CPA6: variants seen among roughly 807,000 people sequenced by gnomAD.
The protein encoded by CPA6 is carboxypeptidase A6.
CPA6 carries 58 observed loss-of-function variants against 63.3 expected under a neutral mutation model. The ratio of observed to expected loss-of-function variants is 0.92; its 90% confidence interval spans 0.74 to 1.14. The LOEUF (loss-of-function observed/expected upper bound fraction) is 1.14, where lower values mean the gene tolerates loss of function less well. Ranked by LOEUF, CPA6 falls within the 50% of genes most tolerant of loss-of-function variation. CPA6 has a pLI of 0.00. For synonymous variants in CPA6, 185 were observed against 179.0 expected (o/e 1.03, Z -0.27); for missense variants, 565 against 526.6 (o/e 1.07, Z -0.71).
intron 8 of CPA6, among the ~76,000 whole-genome samples, chr8:67,446,526 T>C (rs28379926): frequency 0.17 from 25,301 of 152,110 alleles, 2,164 homozygotes; most frequent in East Asian, 0.24. Context: ...TTTTTAAAAA[T>C]TTAAAAGATT....
intron 2 of CPA6, among the ~76,000 whole-genome samples, chr8:67,545,641 C>T (rs1812802313): frequency 1.4e-5 from 2 of 139,410 alleles, no homozygotes; most frequent in African/African-American, 2.6e-5. Context: ...GATCTCGGCT[C>T]ACTGCACTCC....
At chr8:67,477,472 G>A (rs1811268091) in intron 8 of CPA6, among the ~76,000 whole-genome samples, 1 of 152,062 alleles carries the variant, frequency 6.6e-6, no homozygotes, top group East Asian at 1.9e-4. Context: ...TTTTCACTTT[G>A]TATTTCTCCA....
intron 10 of CPA6, among the ~76,000 whole-genome samples, chr8:67,424,386 A>G (rs1587409333): frequency 6.6e-6 from 1 of 152,028 alleles, no homozygotes. Flanking sequence ...GCTGCTGTAG[A>G]TGATTGCCCC....
intron 1 of CPA6, among the ~76,000 whole-genome samples, chr8:67,708,949 G>A (rs1192087855): frequency 6.6e-6 from 1 of 152,118 alleles, no homozygotes; most frequent in African/African-American, 2.4e-5. Flanking sequence ...GTTGTGGCTG[G>A]TTCCAGGGAA....
chr8:67,726,125 G>A lies in CPA6; in HGVS notation c.116+19889C>T, dbSNP rs1463510429. 4.6e-5 allele frequency among the ~76,000 whole-genome samples: 7 copies of A among 152,268 alleles called. No homozygotes were observed. In the East Asian group the frequency reaches 1.4e-3, roughly 29 times the overall value. On this transcript the variant is annotated intron_variant, in intron 1 of 10. Transcript: ENST00000297770. ...AGACAGAGGCCAAGAAAAATGATTT[G>A]TAAGTGATTGAAAAATAATTTTTAT...
intron 1 of CPA6, among the ~76,000 whole-genome samples, chr8:67,712,516 G>A (rs575363752): frequency 1.1e-4 from 16 of 152,210 alleles, no homozygotes; most frequent in Admixed American, 2.0e-4. Context: ...ATCCACCAAA[G>A]AGCAATCCCT....
chr8:67,506,911 T>G, intron 5 of CPA6, 23 bp from the exon 6 acceptor site: 1 of 1,530,706 alleles, frequency 6.5e-7, no homozygotes, highest in Non-Finnish European at 9.1e-7. Context: ...GCATTCACAG[T>G]AACCAACTCA....
chr8:67,738,955 T>C (rs1016074272), intron 1 of CPA6, among the ~76,000 whole-genome samples: 21 of 152,254 alleles, frequency 1.4e-4, no homozygotes, highest in Non-Finnish European at 8.8e-5. Context: ...AAAATAATAC[T>C]TTTGTAGCTT....
At chr8:67,459,037 C>T (rs890211390) in intron 8 of CPA6, among the ~76,000 whole-genome samples, 6 of 152,208 alleles carry the variant, frequency 3.9e-5, no homozygotes, top group Admixed American at 3.3e-4. Context: ...AATTATGCTC[C>T]TTGCAATTTA....
chr8:67,507,885 A>G (rs907987910), intron 5 of CPA6, among the ~76,000 whole-genome samples: 8 of 152,110 alleles, frequency 5.3e-5, no homozygotes, highest in African/African-American at 1.4e-4. Context: ...AGCGCACCAT[A>G]TTGGAGGAAC....
chr8:67,434,262 G>T, intron 8 of CPA6, 22 bp from the exon 9 acceptor site: 1 of 1,600,066 alleles, frequency 6.2e-7, no homozygotes, highest in South Asian at 1.1e-5. Flanking sequence ...AAAAGAAAAT[G>T]GGGTAAGGAA....
chr8:67,537,122 T>C (rs1054706795), intron 2 of CPA6, among the ~76,000 whole-genome samples: 1 of 152,232 alleles, frequency 6.6e-6, no homozygotes, highest in Non-Finnish European at 1.5e-5. Context: ...GATTTTCACA[T>C]CGATGTTCAT....
At chr8:67,668,460 C>T (rs547590396) in intron 1 of CPA6, among the ~76,000 whole-genome samples, 1 of 152,296 alleles carries the variant, frequency 6.6e-6, no homozygotes, top group South Asian at 2.1e-4. Context: ...AGCAACTTTT[C>T]CAAGTTATGA....
intron 2 of CPA6, among the ~76,000 whole-genome samples, chr8:67,554,241 T>A (rs1329449017): frequency 6.6e-6 from 1 of 152,164 alleles, no homozygotes; most frequent in Non-Finnish European, 1.5e-5. Flanking sequence ...ACAGGAAGCA[T>A]GGACCAGCAT....
At chr8:67,478,156 C>T (rs1811283150) in intron 8 of CPA6, among the ~76,000 whole-genome samples, 1 of 152,104 alleles carries the variant, frequency 6.6e-6, no homozygotes, top group Non-Finnish European at 1.5e-5. Context: ...ATCAAGCATG[C>T]CCACATGATC....
chr8:67,500,360 T>C (rs1264216908), intron 6 of CPA6, among the ~76,000 whole-genome samples: 1 of 152,184 alleles, frequency 6.6e-6, no homozygotes, highest in Non-Finnish European at 1.5e-5. Flanking sequence ...TCTCTTCATG[T>C]CTTTTGCCCA....
intron 3 of CPA6, among the ~76,000 whole-genome samples, chr8:67,512,579 A>G (rs2128965868): frequency 6.6e-6 from 1 of 152,346 alleles, no homozygotes; most frequent in South Asian, 2.1e-4. Context: ...TGTGAGTTAG[A>G]TAAATACAGG....
intron 10 of CPA6, among the ~76,000 whole-genome samples, chr8:67,424,208 C>T (rs7845285): frequency 0.092 from 13,973 of 152,156 alleles, 2,164 homozygotes; most frequent in African/African-American, 0.32. Context: ...TGGTGAATTA[C>T]ATAATTATTT....
chr8:67,693,807 A>T (rs1816860266), intron 1 of CPA6, among the ~76,000 whole-genome samples: 1 of 152,210 alleles, frequency 6.6e-6, no homozygotes, highest in Non-Finnish European at 1.5e-5. Flanking sequence ...AGCAGCCTGA[A>T]CGGACTCAGA....
Sources: gnomAD v4.1 joint callset for allele counts (sites outside exome capture counted in the v4.1 genomes callset) on GRCh38, gnomAD v4.1.1 for gene constraint, MANE v1.5 for transcripts, NCBI Gene and HGNC (gene_info 2026-07-23, HGNC 2026-07-21) for gene names.